Variants in CNTNAP2 observed in about 807,000 individuals in gnomAD.
The protein encoded by CNTNAP2 is contactin-associated protein-like 2.
A neutral mutation model predicts 155.2 loss-of-function variants in CNTNAP2; 98 were observed. The ratio of observed to expected loss-of-function variants is 0.63; its 90% CI spans 0.54 to 0.75. CNTNAP2 has a LOEUF of 0.75. Among genes scored for constraint, CNTNAP2 ranks in the 30% least tolerant of loss-of-function variants. The probability of loss-of-function intolerance (pLI) is 0.00; values close to 1 mark genes in which losing one functional copy is unlikely to be tolerated. For missense variants in CNTNAP2, 1,727 were observed against 1,688.1 expected, an observed-to-expected ratio of 1.02 and a Z score of -0.40; for synonymous variants, 651 against 631.2, an observed-to-expected ratio of 1.03 and a Z score of -0.47.
At chr7:147,123,228 T>C (rs1219330300) in intron 6 of CNTNAP2, among the ~76,000 whole-genome samples, 3 of 152,210 alleles carry the variant, frequency 2.0e-5, no homozygotes, top group Admixed American at 6.5e-5. Flanking sequence ...TCATGTGACT[T>C]ATCTCCCAAT....
intron 21 of CNTNAP2, among the ~76,000 whole-genome samples, chr7:148,293,083 TAAAA>T (rs10541434): frequency 0.4 from 59,892 of 150,004 alleles, 12,518 homozygotes; most frequent in East Asian, 0.64. Flanking sequence ...ATAAATAAAA[TAAAA>T]TAAAATAAAT....
chr7:147,445,559 T>G (rs1040123840), intron 10 of CNTNAP2, among the ~76,000 whole-genome samples: 1 of 152,210 alleles, frequency 6.6e-6, no homozygotes, highest in African/African-American at 2.4e-5. Context: ...ATAAAGGTGT[T>G]AGAACACTGC....
At chr7:146,432,394 A>G (rs1239012716) in intron 1 of CNTNAP2, among the ~76,000 whole-genome samples, 1 of 152,108 alleles carries the variant, frequency 6.6e-6, no homozygotes, top group Non-Finnish European at 1.5e-5. Flanking sequence ...TAAAATAAAT[A>G]AATTGAATTA....
At chr7:148,100,708 A>G (rs973780223) in intron 15 of CNTNAP2, among the ~76,000 whole-genome samples, 1 of 152,224 alleles carries the variant, frequency 6.6e-6, no homozygotes, top group Non-Finnish European at 1.5e-5. Flanking sequence ...TGTTTCTTCA[A>G]ATACATACAG....
intron 3 of CNTNAP2, among the ~76,000 whole-genome samples, chr7:146,995,421 A>G (rs192116737): frequency 1.8e-3 from 269 of 152,204 alleles, no homozygotes; most frequent in African/African-American, 6.1e-3. Flanking sequence ...ACTATTTTCT[A>G]TAATGACTAT....
At chr7:146,120,960 T>C (rs561538592) in intron 1 of CNTNAP2, among the ~76,000 whole-genome samples, 14 of 152,194 alleles carry the variant, frequency 9.2e-5, no homozygotes, top group African/African-American at 3.1e-4. Context: ...TATATCCTTA[T>C]TGTTAGGAAA....
At chr7:146,189,142 C>G (rs191139969) in intron 1 of CNTNAP2, among the ~76,000 whole-genome samples, 4 of 152,260 alleles carry the variant, frequency 2.6e-5, no homozygotes, top group African/African-American at 9.6e-5. Flanking sequence ...CAATTTTAGA[C>G]ATTTTCTAAT....
intron 13 of CNTNAP2, among the ~76,000 whole-genome samples, chr7:147,809,383 CAAT>C (rs1798145807): frequency 6.6e-6 from 1 of 152,182 alleles, no homozygotes; most frequent in Non-Finnish European, 1.5e-5. Context: ...CTAATCCTCA[CAAT>C]AATAGTGAAA....
Position 147,042,959 on chromosome 7 carries a change from G to T in CNTNAP2, c.403-948G>T, listed in dbSNP as rs185770566. On this transcript the variant is annotated intron_variant, in intron 3 of 23. Coordinates refer to ENST00000361727, the MANE Select transcript of CNTNAP2 (RefSeq NM_014141.6). ...AACTTGTCTATTATAGGGACATTTAGAATGCATATATGAAGCTGAAACTGC... is the reference window on the plus strand; with the variant it reads ...AACTTGTCTATTATAGGGACATTTATAATGCATATATGAAGCTGAAACTGC... Among the ~76,000 whole-genome samples, 9 of 152,184 alleles carry T rather than the reference G, an allele frequency of 5.9e-5. No homozygotes were observed. In the East Asian group the frequency reaches 1.5e-3, roughly 26 times the overall value.
At chr7:146,637,310 A>G (rs980741185) in intron 1 of CNTNAP2, among the ~76,000 whole-genome samples, 2 of 152,220 alleles carry the variant, frequency 1.3e-5, no homozygotes, top group Admixed American at 1.3e-4. Context: ...TGAAAACTAA[A>G]GTTTTAATTA....
chr7:148,021,444 A>C (rs1279877731), intron 15 of CNTNAP2, among the ~76,000 whole-genome samples: 3 of 152,200 alleles, frequency 2.0e-5, no homozygotes, highest in Non-Finnish European at 4.4e-5. Context: ...GCCAGTCTAC[A>C]TAAATAGGGA....
At chr7:146,151,041 G>A (rs1798029276) in intron 1 of CNTNAP2, among the ~76,000 whole-genome samples, 1 of 152,184 alleles carries the variant, frequency 6.6e-6, no homozygotes, top group South Asian at 2.1e-4. Context: ...TGGCAGGAAG[G>A]AGAAGTGTGT....
intron 3 of CNTNAP2, among the ~76,000 whole-genome samples, chr7:147,006,431 C>G (rs1004880173): frequency 2.0e-5 from 3 of 151,962 alleles, no homozygotes; most frequent in African/African-American, 7.2e-5. Flanking sequence ...AATTTATGCC[C>G]TGTTTTTAGA....
At chr7:146,361,450 A>G (rs1355033603) in intron 1 of CNTNAP2, among the ~76,000 whole-genome samples, 1 of 152,012 alleles carries the variant, frequency 6.6e-6, no homozygotes, top group Non-Finnish European at 1.5e-5. Flanking sequence ...AACTACTTTC[A>G]ATTTCTGTCT....
chr7:148,413,421 T>A (rs867968657), intron 23 of CNTNAP2, among the ~76,000 whole-genome samples: 6,197 of 67,358 alleles, frequency 0.092, 1,083 homozygotes, highest in African/African-American at 0.16. Context: ...TATATATATA[T>A]ATATATATAT....
At chr7:148,123,866 G>A (rs1327566141) in intron 16 of CNTNAP2, among the ~76,000 whole-genome samples, 1 of 152,186 alleles carries the variant, frequency 6.6e-6, no homozygotes, top group Non-Finnish European at 1.5e-5. Flanking sequence ...AGGAAAAAAA[G>A]AGGGTTAGAT....
chr7:147,598,265 T>C (rs1403881745), intron 12 of CNTNAP2, among the ~76,000 whole-genome samples: 2 of 152,048 alleles, frequency 1.3e-5, no homozygotes, highest in African/African-American at 2.4e-5. Context: ...GTTGTACCTA[T>C]CAACTCGTCA....
At chr7:146,631,852 T>C (rs1272661776) in intron 1 of CNTNAP2, among the ~76,000 whole-genome samples, 1 of 152,086 alleles carries the variant, frequency 6.6e-6, no homozygotes, top group East Asian at 1.9e-4. Flanking sequence ...ATACTCTCTT[T>C]TGTTGTTGTT....
At position 148,415,777 on chromosome 7, in the gene CNTNAP2, T is replaced by G; in HGVS notation, c.*161T>G. 1 of 666,238 alleles carries G rather than the reference T, an allele frequency of 1.5e-6. No individual in the cohort carries two copies. The highest frequency in any genetic ancestry group is 3.2e-5 in the East Asian group (1 of 31,016). 41.3% of individuals were successfully genotyped at this position (666,238 alleles called of 1,614,324 possible). A position where few individuals can be genotyped will look rare whatever the true frequency, so the allele number is the denominator to read the frequency against. On this transcript the variant is annotated 3_prime_UTR_variant, in exon 24 of 24. Transcript: ENST00000361727. Reference sequence around the variant, plus strand: ...TATAATGGAATATTCTTGAGACTGATCACAAAAAAAAAAACCTTTTTAATA... The same window carrying G: ...TATAATGGAATATTCTTGAGACTGAGCACAAAAAAAAAAACCTTTTTAATA...
Sources: allele counts gnomAD v4.1 joint callset (sites outside exome capture counted in the v4.1 genomes callset), GRCh38; gene constraint gnomAD v4.1.1; transcripts MANE v1.5; gene names NCBI Gene and HGNC (gene_info 2026-07-23, HGNC 2026-07-21).